The following NAA11 variants were observed in gnomAD, a reference collection of about 807,000 sequenced individuals.
The protein encoded by NAA11 is N-alpha-acetyltransferase 11.
A neutral mutation model predicts 16.1 loss-of-function variants in NAA11; 15 were observed. The observed-to-expected ratio is 0.93, with a 90% CI of 0.62 to 1.44. The LOEUF (loss-of-function observed/expected upper bound fraction) is 1.44, where lower values mean the gene tolerates loss of function less well. Among genes scored for constraint, NAA11 ranks in the 40% most tolerant of loss-of-function variants. NAA11 has a pLI of 0.00. For missense variants in NAA11, 298 were observed against 291.3 expected, an observed-to-expected ratio of 1.02 and a Z score of -0.17; for synonymous variants, 122 against 112.4, an observed-to-expected ratio of 1.09 and a Z score of -0.54.
chr4:79,310,393 A>C (rs1723735266), intron 1 of NAA11, among the ~76,000 whole-genome samples: 2 of 152,224 alleles, frequency 1.3e-5, no homozygotes, highest in Non-Finnish European at 1.5e-5. Context: ...ACAACTCTAC[A>C]GTTCCTTAAA....
intron 2 of NAA11, among the ~76,000 whole-genome samples, chr4:79,258,528 G>A (rs569639941): frequency 6.6e-6 from 1 of 152,346 alleles, no homozygotes; most frequent in Admixed American, 6.5e-5. Flanking sequence ...CTGCTGCCTT[G>A]GCCCCTTCTG....
the NAA11 span, among the ~76,000 whole-genome samples, chr4:79,167,162 G>T: frequency 1.0e-4 from 2 of 19,110 alleles, no homozygotes; most frequent in East Asian, 2.1e-3. Flanking sequence ...ATATGTATAT[G>T]GAGAGAGAGA....
At chr4:79,198,075 A>G in the NAA11 span, among the ~76,000 whole-genome samples, 150 of 152,040 alleles carry the variant, frequency 9.9e-4, no homozygotes, top group African/African-American at 3.4e-3. Context: ...ATAGAATGTG[A>G]AAAGTAATAT....
chr4:79,266,416 C>T (rs184749526), intron 2 of NAA11, among the ~76,000 whole-genome samples: 2 of 152,286 alleles, frequency 1.3e-5, no homozygotes, highest in East Asian at 3.9e-4. Flanking sequence ...AAAACAAATA[C>T]TCAGGACTGC....
chr4:79,230,233 A>G (rs899511278), intron 2 of NAA11, among the ~76,000 whole-genome samples: 4 of 150,308 alleles, frequency 2.7e-5, no homozygotes, highest in Admixed American at 6.6e-5. Context: ...ATGAGAACAC[A>G]TGGACACAGG....
intron 1 of NAA11, among the ~76,000 whole-genome samples, chr4:79,306,303 T>C (rs1002508035): frequency 3.3e-5 from 5 of 152,256 alleles, no homozygotes; most frequent in African/African-American, 1.2e-4. Context: ...GTCTCACAGT[T>C]TGGGATGCTA....
the NAA11 span, among the ~76,000 whole-genome samples, chr4:79,170,934 A>C: frequency 2.9e-3 from 25 of 8,612 alleles, no homozygotes; most frequent in East Asian, 0.5. Flanking sequence ...ACAAAAAAAC[A>C]AAAAAAAAAT....
chr4:79,195,966 A>G, the NAA11 span: 8 of 152,168 alleles, frequency 5.3e-5, no homozygotes, highest in Non-Finnish European at 8.8e-5. Context: ...TTTATAAATT[A>G]CCCAGTCTCG....
chr4:79,266,845 A>G (rs1450161007), intron 2 of NAA11, among the ~76,000 whole-genome samples: 2 of 152,154 alleles, frequency 1.3e-5, no homozygotes, highest in African/African-American at 4.8e-5. Context: ...GAAGGAAAAG[A>G]TACATTTATT....
chr4:79,239,699 CG>C (rs1288051784), intron 2 of NAA11, among the ~76,000 whole-genome samples: 1 of 149,708 alleles, frequency 6.7e-6, no homozygotes, highest in Non-Finnish European at 1.5e-5. Flanking sequence ...GACTCTGTCT[CG>C]GAAAAAAAAA....
chr4:79,247,273 A>G (rs1413682500), intron 2 of NAA11, among the ~76,000 whole-genome samples: 1 of 152,184 alleles, frequency 6.6e-6, no homozygotes, highest in Non-Finnish European at 1.5e-5. Context: ...GGTGATTACT[A>G]AATCTATATT....
At chr4:79,215,779 A>G in the NAA11 span, among the ~76,000 whole-genome samples, 1 of 152,220 alleles carries the variant, frequency 6.6e-6, no homozygotes, top group Non-Finnish European at 1.5e-5. Context: ...GTCAAGAACT[A>G]TAAAATGAGG....
chr4:79,169,463 C>A, the NAA11 span, among the ~76,000 whole-genome samples: 1 of 152,112 alleles, frequency 6.6e-6, no homozygotes, highest in African/African-American at 2.4e-5. Flanking sequence ...ACACCTACAA[C>A]CATCTGATCT....
chr4:79,270,220 G>T (rs545265475), intron 2 of NAA11, among the ~76,000 whole-genome samples: 2 of 151,856 alleles, frequency 1.3e-5, no homozygotes, highest in East Asian at 3.9e-4. Flanking sequence ...CTTTAAAGTA[G>T]TTTTTTCCAA....
At chr4:79,180,557 G>A in the NAA11 span, among the ~76,000 whole-genome samples, 24 of 152,150 alleles carry the variant, frequency 1.6e-4, no homozygotes, top group African/African-American at 2.9e-4. Flanking sequence ...TTAGAAAGGC[G>A]ATCATTAAAA....
chr4:79,318,159 A>AC (rs1403857539), intron 1 of NAA11, among the ~76,000 whole-genome samples: 2 of 152,224 alleles, frequency 1.3e-5, no homozygotes, highest in Admixed American at 1.3e-4. Flanking sequence ...TTTAAATTCT[A>AC]TCTCATCCTA....
intron 2 of NAA11, among the ~76,000 whole-genome samples, chr4:79,290,473 G>A (rs1331461083): frequency 6.6e-6 from 1 of 152,070 alleles, no homozygotes; most frequent in South Asian, 2.1e-4. Flanking sequence ...TCTCTCATCA[G>A]CAGGCTAAAG....
the NAA11 span, among the ~76,000 whole-genome samples, chr4:79,206,485 T>C: frequency 6.6e-6 from 1 of 152,120 alleles, no homozygotes; most frequent in Non-Finnish European, 1.5e-5. Flanking sequence ...GAGAAATCAA[T>C]GTACTTTATG....
intron 2 of NAA11, among the ~76,000 whole-genome samples, chr4:79,271,743 C>G (rs1283264093): frequency 6.6e-6 from 1 of 151,870 alleles, no homozygotes; most frequent in South Asian, 2.1e-4. Context: ...AAATATTGTA[C>G]AGTAGAAATT....
Sources: gnomAD v4.1 joint callset for allele counts (sites outside exome capture counted in the v4.1 genomes callset) on GRCh38, gnomAD v4.1.1 for gene constraint, MANE v1.5 for transcripts, NCBI Gene and HGNC (gene_info 2026-07-23, HGNC 2026-07-21) for gene names.